The following TBCD variants were observed in gnomAD, a reference collection of about 807,000 sequenced individuals.
TBCD encodes the protein tubulin folding cofactor D.
A neutral mutation model predicts 169.3 loss-of-function variants in TBCD; 105 were observed. The observed-to-expected ratio is 0.62, with a 90% CI of 0.53 to 0.73. The LOEUF (loss-of-function observed/expected upper bound fraction) is 0.73, where lower values mean the gene tolerates loss of function less well. TBCD is among the 30% of genes least tolerant of loss of function. The pLI is 0.00. For missense variants in TBCD, 1,444 were observed against 1,600.1 expected (o/e 0.90, Z 1.66); for synonymous variants, 700 against 643.9 (o/e 1.09, Z -1.32).
In TBCD at chr17:82,930,699, A is replaced by G; in HGVS notation, c.3113+56A>G. The G allele has an allele frequency of 6.2e-7, 1 of 1,610,134 alleles. No individual in the cohort carries two copies. The highest frequency in any genetic ancestry group is 8.5e-7 in the Non-Finnish European group (1 of 1,177,676). On this transcript the variant is annotated intron_variant, in intron 33 of 38. Transcript: ENST00000355528. This position sits in a 1 kb window ranked among gnomAD's most constrained non-coding sequence, Gnocchi z 5.2. Reference sequence around the variant, plus strand: ...GTGAGTGGTGCTGGTGCCTCTCACCACGTTCCCACAGATTCCCGGGGTCTC... The same window carrying G: ...GTGAGTGGTGCTGGTGCCTCTCACCGCGTTCCCACAGATTCCCGGGGTCTC...
intron 13 of TBCD, among the ~76,000 whole-genome samples, chr17:82,817,245 C>T (rs2051995564): frequency 6.6e-6 from 1 of 152,164 alleles, no homozygotes; most frequent in Non-Finnish European, 1.5e-5. Context: ...ATATTCCCAC[C>T]TTAGCTTCCC....
rs1422495120 is a variant in TBCD at position 82,890,405 on chromosome 17, C to T, written c.1563+708C>T. On this transcript the variant is annotated intron_variant, in intron 16 of 38. Transcript: ENST00000355528. The surrounding 1 kb of genome is among the most constrained non-coding windows in gnomAD (Gnocchi z 5.3). ...TCCCGGACAGCAAAGCAAATGCAGC[C>T]GGGGTCTGGGCTGTGGCCAGGTGGT... Among the ~76,000 whole-genome samples, 1 of 152,136 alleles carries T rather than the reference C, an allele frequency of 6.6e-6. No individual in the cohort carries two copies. Among genetic ancestry groups the T allele is most frequent in the Non-Finnish European group, 1.5e-5 (1 of 68,020 alleles).
Position 82,920,458 on chromosome 17 carries a change from T to G in TBCD, c.2039-98T>G. ...GGTTGGGCGGGTGAGGGGCAGGAGC[T>G]GGCCGCACACAACTCAGAATGTGGC... On this transcript the variant is annotated intron_variant, in intron 23 of 38. Transcript: ENST00000355528. The surrounding 1 kb of genome is among the most constrained non-coding windows in gnomAD (Gnocchi z 4.1). 9.6e-7 allele frequency: 1 copy of G among 1,042,838 alleles called. No homozygotes were observed. Among genetic ancestry groups the G allele is most frequent in the East Asian group, 2.6e-5 (1 of 38,658 alleles). 64.6% of individuals were successfully genotyped at this position (1,042,838 alleles called of 1,614,324 possible). A position where few individuals can be genotyped will look rare whatever the true frequency, so the allele number is the denominator to read the frequency against.
At chr17:82,847,919 C>T (rs985995665) in intron 13 of TBCD, among the ~76,000 whole-genome samples, 1 of 152,208 alleles carries the variant, frequency 6.6e-6, no homozygotes. Context: ...CGTGAGCCAC[C>T]GGGCCGGGCC....
chr17:82,764,573 A>G (rs1290221149), intron 3 of TBCD, among the ~76,000 whole-genome samples: 1 of 152,164 alleles, frequency 6.6e-6, no homozygotes, highest in East Asian at 1.9e-4. Flanking sequence ...TGAACCTGAG[A>G]GGCAGAGGTT....
intron 12 of TBCD, among the ~76,000 whole-genome samples, chr17:82,810,728 T>C (rs1162935049): frequency 6.6e-6 from 1 of 152,238 alleles, no homozygotes; most frequent in African/African-American, 2.4e-5. Flanking sequence ...GGCGTCCAGC[T>C]TGCTCAGGAC....
At chr17:82,774,557 T>C (rs941951079) in intron 6 of TBCD, among the ~76,000 whole-genome samples, 2 of 152,228 alleles carry the variant, frequency 1.3e-5, no homozygotes, top group African/African-American at 4.8e-5. Context: ...CTCAATGAGC[T>C]GTTGGGTACA....
chr17:82,810,046 A>G (rs140303224), intron 12 of TBCD, among the ~76,000 whole-genome samples: 24 of 152,334 alleles, frequency 1.6e-4, no homozygotes, highest in African/African-American at 5.8e-4. Flanking sequence ...TCTGAAAGGA[A>G]AAGCTCTACT....
Position 82,930,351 on chromosome 17 carries a change from T to C in TBCD, c.2992-171T>C, listed in dbSNP as rs1049038570. 1.4e-5 allele frequency: 13 copies of C among 899,482 alleles called. No individual in the cohort carries two copies. The highest frequency in any genetic ancestry group is 1.8e-5 in the Non-Finnish European group (11 of 613,950). The allele number at this position is 899,482 out of a possible 1,614,324, so 55.7% of individuals were successfully genotyped here. ...TTGTGTCTGCTTCGGGTGTCTGCAC[T>C]GTGAGTGGCTCCGTGCTGGCGTCCG... On this transcript the variant is annotated intron_variant, in intron 32 of 38. Coordinates refer to ENST00000355528, the MANE Select transcript of TBCD (RefSeq NM_005993.5). The surrounding 1 kb of genome is among the most constrained non-coding windows in gnomAD (Gnocchi z 5.2).
chr17:82,837,233 A>G lies in TBCD; in HGVS notation c.1318+22299A>G, dbSNP rs201380869. 1.1e-4 allele frequency among the ~76,000 whole-genome samples: 16 copies of G among 152,346 alleles called. No homozygotes were observed. In the East Asian group the frequency reaches 3.1e-3, roughly 29 times the overall value. On this transcript the variant is annotated intron_variant, in intron 13 of 38. Coordinates refer to ENST00000355528, the MANE Select transcript of TBCD (RefSeq NM_005993.5). ...TGCTTAAGTGAGGTTTATAAGGATG[A>G]AGAAACCAAACCCGACGGCCAGTAC...
rs140829149 is a variant in TBCD at position 82,941,330 on chromosome 17, G to A, written c.3480-69G>A. The A allele has an allele frequency of 1.6e-4, 220 of 1,365,454 alleles. 2 individuals carry two copies. In the Middle Eastern group the frequency reaches 3.6e-3, roughly 23 times the overall value. 84.6% of individuals were successfully genotyped at this position (1,365,454 alleles called of 1,614,324 possible). On this transcript the variant is annotated intron_variant, in intron 37 of 38. Coordinates refer to ENST00000355528, the MANE Select transcript of TBCD (RefSeq NM_005993.5). ...GACTGCGGCCATGGAAGCTTGACGC[G>A]GGACCTCCGCACACCTGAGGTTCTC...
chr17:82,870,497 C>T (rs2057480423), intron 14 of TBCD, 117 bp downstream of exon 14: 10 of 1,344,562 alleles, frequency 7.4e-6, no homozygotes, highest in Non-Finnish European at 9.0e-6. Flanking sequence ...AATTACTTGG[C>T]CAGAGGATCT....
intron 14 of TBCD, among the ~76,000 whole-genome samples, chr17:82,876,145 T>C (rs2057955246): frequency 6.6e-6 from 1 of 152,224 alleles, no homozygotes; most frequent in Admixed American, 6.5e-5. Context: ...GTCTGCACTT[T>C]GCTGTACCTG....
intron 13 of TBCD, among the ~76,000 whole-genome samples, chr17:82,846,363 G>GTCCT (rs2055113408): frequency 2.7e-5 from 4 of 150,476 alleles, no homozygotes; most frequent in Admixed American, 2.0e-4. Context: ...CCCTCCATGC[G>GTCCT]CTGTGTCCCA....
At chr17:82,924,110 T>A (rs941910567) in intron 26 of TBCD, among the ~76,000 whole-genome samples, 5 of 152,244 alleles carry the variant, frequency 3.3e-5, no homozygotes, top group Non-Finnish European at 7.4e-5. Context: ...CCTGCCACCA[T>A]ACCCGGCTAA....
At chr17:82,904,815 T>C (rs1354842917) in intron 19 of TBCD, among the ~76,000 whole-genome samples, 1 of 152,144 alleles carries the variant, frequency 6.6e-6, no homozygotes, top group Non-Finnish European at 1.5e-5. Flanking sequence ...ACGGGTTTAG[T>C]GTGGCGCTCC....
At chr17:82,925,681 G>GGT (rs1317636738) in intron 27 of TBCD, among the ~76,000 whole-genome samples, 1 of 152,212 alleles carries the variant, frequency 6.6e-6, no homozygotes, top group African/African-American at 2.4e-5. Context: ...CTGTGTGGCG[G>GGT]GTGGGCCTCG....
At chr17:82,756,069 G>C (rs2047385424) in intron 1 of TBCD, 96 bp from the exon 2 acceptor site, 1 of 1,095,432 alleles carries the variant, frequency 9.1e-7, no homozygotes, top group Non-Finnish European at 1.4e-6. Flanking sequence ...AGGTGGAGCT[G>C]CCCTGTGGAA....
chr17:82,826,973 G>A (rs1057455028), intron 13 of TBCD, among the ~76,000 whole-genome samples: 1 of 152,074 alleles, frequency 6.6e-6, no homozygotes, highest in African/African-American at 2.4e-5. Context: ...GTTTTTCCAT[G>A]TTGCCCAGGC....
Sources: allele counts gnomAD v4.1 joint callset (sites outside exome capture counted in the v4.1 genomes callset), GRCh38; gene constraint gnomAD v4.1.1; non-coding constraint Gnocchi (gnomAD v3.1); transcripts MANE v1.5; gene names NCBI Gene and HGNC (gene_info 2026-07-23, HGNC 2026-07-21).